Variants in ARMH3 observed in about 807,000 individuals in gnomAD.
ARMH3 encodes armadillo-like helical domain-containing protein 3.
In ARMH3, 60 loss-of-function variants were observed where a neutral mutation model predicts 99.1. The ratio of observed to expected loss-of-function variants is 0.61; its 90% CI spans 0.49 to 0.75. The LOEUF (loss-of-function observed/expected upper bound fraction) is 0.75. Among genes scored for constraint, ARMH3 ranks in the 30% least tolerant of loss-of-function variants. The pLI is 0.00. For synonymous variants in ARMH3, 285 were observed against 292.8 expected (o/e 0.97, Z 0.27); for missense variants, 679 against 843.1 (o/e 0.81, Z 2.41).
chr10:101,975,348 C>T (rs753079405), intron 19 of ARMH3, 48 bp from the exon 20 acceptor site: 2 of 1,454,410 alleles, frequency 1.4e-6, no homozygotes, highest in East Asian at 4.6e-5. Context: ...GAATATAGTG[C>T]AACTCACCAG....
intron 23 of ARMH3, among the ~76,000 whole-genome samples, chr10:101,918,593 C>G (rs375244749): frequency 6.6e-6 from 1 of 152,144 alleles, no homozygotes; most frequent in East Asian, 1.9e-4. Flanking sequence ...AACTAGAGAA[C>G]AGAATAAAAT....
At chr10:102,046,009 C>T (rs1465261296) in intron 1 of ARMH3, among the ~76,000 whole-genome samples, 4 of 151,908 alleles carry the variant, frequency 2.6e-5, no homozygotes, top group Admixed American at 1.3e-4. Context: ...GCAGGAGAAT[C>T]GCTTGAAGTC....
chr10:101,905,166 G>A (rs972033672), intron 23 of ARMH3, among the ~76,000 whole-genome samples: 9 of 152,106 alleles, frequency 5.9e-5, no homozygotes, highest in African/African-American at 1.9e-4. Flanking sequence ...AGTCCTATAG[G>A]ACTTCTTAGG....
intron 23 of ARMH3, among the ~76,000 whole-genome samples, chr10:101,912,168 G>A (rs1442484851): frequency 6.6e-6 from 1 of 152,152 alleles, no homozygotes; most frequent in Non-Finnish European, 1.5e-5. Flanking sequence ...GCCGAGGCAG[G>A]TGGATCACAA....
chr10:101,920,047 CTT>C (rs1843245218), intron 23 of ARMH3, among the ~76,000 whole-genome samples: 1 of 152,194 alleles, frequency 6.6e-6, no homozygotes, highest in African/African-American at 2.4e-5. Flanking sequence ...TAAATCCTCA[CTT>C]CTCTAAGAGA....
intron 23 of ARMH3, among the ~76,000 whole-genome samples, chr10:101,910,237 C>G (rs1434240848): frequency 6.6e-6 from 1 of 152,198 alleles, no homozygotes; most frequent in Non-Finnish European, 1.5e-5. Context: ...ACCTTCATCC[C>G]GGAGATTTAC....
At chr10:101,932,757 G>A (rs1452340245) in intron 23 of ARMH3, among the ~76,000 whole-genome samples, 1 of 152,218 alleles carries the variant, frequency 6.6e-6, no homozygotes, top group Non-Finnish European at 1.5e-5. Flanking sequence ...GAGGCTGGGA[G>A]AAAGAGGGAA....
At chr10:101,905,840 T>C (rs560248935) in intron 23 of ARMH3, among the ~76,000 whole-genome samples, 12 of 152,368 alleles carry the variant, frequency 7.9e-5, no homozygotes, top group Admixed American at 3.3e-4. Context: ...AATGCTTATA[T>C]ACCTACCATC....
chr10:102,041,151 T>C (rs906453107), intron 1 of ARMH3, among the ~76,000 whole-genome samples: 1 of 145,580 alleles, frequency 6.9e-6, no homozygotes, highest in African/African-American at 2.5e-5. Context: ...TCCAAGGTAT[T>C]TTTCAATTCT....
chr10:101,864,481 T>C (rs1278508120), intron 24 of ARMH3, among the ~76,000 whole-genome samples: 4 of 152,196 alleles, frequency 2.6e-5, no homozygotes, highest in Non-Finnish European at 4.4e-5. Context: ...TAGCAAAGAT[T>C]TGGAACCAAC....
chr10:101,870,937 C>T (rs1432401166), intron 24 of ARMH3, among the ~76,000 whole-genome samples: 1 of 151,840 alleles, frequency 6.6e-6, no homozygotes, highest in East Asian at 1.9e-4. Context: ...AAGACCCTGT[C>T]TCAAAAAAAC....
chr10:101,898,258 A>G (rs565459188), intron 23 of ARMH3, among the ~76,000 whole-genome samples: 3 of 151,876 alleles, frequency 2.0e-5, no homozygotes, highest in Non-Finnish European at 4.4e-5. Flanking sequence ...CAGGAGGCTG[A>G]GATGGGAGGA....
chr10:102,013,862 A>T, intron 9 of ARMH3, 106 bp downstream of exon 9: 1 of 940,060 alleles, frequency 1.1e-6, no homozygotes, highest in Non-Finnish European at 1.6e-6. Flanking sequence ...AACCGGATGA[A>T]ATTGACAGAA....
chr10:101,934,705 A>G (rs1438988332), intron 23 of ARMH3, among the ~76,000 whole-genome samples: 1 of 152,186 alleles, frequency 6.6e-6, no homozygotes, highest in African/African-American at 2.4e-5. Flanking sequence ...AAAAGCATTA[A>G]AATTTTAATT....
At chr10:102,006,326 A>G (rs923025722) in intron 14 of ARMH3, among the ~76,000 whole-genome samples, 4 of 152,258 alleles carry the variant, frequency 2.6e-5, no homozygotes, top group Admixed American at 1.3e-4. Context: ...AGGAAAAGCT[A>G]GAGTTATGTA....
intron 20 of ARMH3, among the ~76,000 whole-genome samples, chr10:101,961,287 T>C (rs1354899776): frequency 1.3e-5 from 2 of 149,550 alleles, no homozygotes; most frequent in Non-Finnish European, 1.5e-5. Context: ...CACCTCTCTA[T>C]CCCTTGTGGC....
rs748819540 is a variant in ARMH3 at position 102,023,657 on chromosome 10, A to C, written c.582+18T>G. 21 of 1,611,392 alleles carry C rather than the reference A, an allele frequency of 1.3e-5. No homozygotes were observed. The South Asian group carries it at 2.2e-4, about 17-fold the overall frequency. ...AGAGGTGGTTTACCCCAAAGAGAGG[A>C]GGTAACAAGGGACCTACCTGTAAAA... On this transcript the variant is annotated intron_variant, in intron 7 of 25. Coordinates refer to ENST00000370033, the MANE Select transcript of ARMH3 (RefSeq NM_024541.3).
intron 13 of ARMH3, among the ~76,000 whole-genome samples, chr10:102,006,966 T>C (rs959428013): frequency 6.6e-6 from 1 of 151,444 alleles, no homozygotes; most frequent in Non-Finnish European, 1.5e-5. Flanking sequence ...ATCGAGACCA[T>C]CCTGGCCAAC....
chr10:102,026,836 GA>G (rs1387358871), intron 5 of ARMH3, among the ~76,000 whole-genome samples: 1 of 152,214 alleles, frequency 6.6e-6, no homozygotes, highest in Non-Finnish European at 1.5e-5. Context: ...TGTCAGTGTG[GA>G]TGATGGATTT....
Sources: gnomAD v4.1 joint callset for allele counts (sites outside exome capture counted in the v4.1 genomes callset) on GRCh38, gnomAD v4.1.1 for gene constraint, MANE v1.5 for transcripts, NCBI Gene and HGNC (gene_info 2026-07-23, HGNC 2026-07-21) for gene names.